Variants in TNFRSF10A observed in about 807,000 individuals in gnomAD.
The protein encoded by TNFRSF10A is tumor necrosis factor receptor superfamily member 10A.
In TNFRSF10A, 44 loss-of-function variants were observed where a neutral mutation model predicts 42.8. The ratio of observed to expected loss-of-function variants is 1.03; its 90% CI spans 0.81 to 1.32. TNFRSF10A has a LOEUF of 1.32. Among genes scored for constraint, TNFRSF10A ranks in the 40% most tolerant of loss-of-function variants. The probability of loss-of-function intolerance (pLI) is 0.00; values close to 1 mark genes in which losing one functional copy is unlikely to be tolerated. For synonymous variants in TNFRSF10A, 259 were observed against 234.2 expected, an observed-to-expected ratio of 1.11 and a Z score of -0.97; for missense variants, 680 against 602.0, an observed-to-expected ratio of 1.13 and a Z score of -1.36.
rs549100157 is a variant in TNFRSF10A, at chr8:23,207,314, G to A, written c.404-4553C>T. ...GATGGAGAGAAGAAGGCATATGTTC[G>A]ACTGGCTCCTGATTACCATGTCTTG... On this transcript the variant is annotated intron_variant, in intron 2 of 9. Coordinates refer to ENST00000221132, the MANE Select transcript of TNFRSF10A (RefSeq NM_003844.4). 7.7e-5 allele frequency: 46 copies of A among 597,342 alleles called. 1 individual carries two copies. In the East Asian group the frequency reaches 8.5e-4, roughly 11 times the overall value. 37.0% of individuals were successfully genotyped at this position (597,342 alleles called of 1,614,324 possible).
chr8:23,206,179 A>T (rs1187591862), intron 2 of TNFRSF10A, among the ~76,000 whole-genome samples: 1 of 152,218 alleles, frequency 6.6e-6, no homozygotes, highest in Non-Finnish European at 1.5e-5. Flanking sequence ...AAACGAGTGA[A>T]AAAGTTTTAA....
Position 23,191,828 on chromosome 8 carries a change from T to A in TNFRSF10A, c.1273A>T (p.Ile425Phe), listed in dbSNP as rs1327739148. 4 of 1,613,904 alleles carry A rather than the reference T, an allele frequency of 2.5e-6. No individual in the cohort carries two copies. The African/African-American group carries it at 5.3e-5, about 22-fold the overall frequency. The change falls in exon 10 of 10, where the codon ATC becomes TTC. Residue 425 changes from isoleucine (I) to phenylalanine (F), a missense_variant. Transcript: ENST00000221132. ...TCCAAGGCATCCAGCAGGGTGTGGA[T>A]CGAGGCGTTCCGTCCAGTTTTGTTG... ...WVNKTGRNASIHTLLDALERM... is the reference protein window; with the variant it reads ...WVNKTGRNASFHTLLDALERM...
chr8:23,213,407 T>G (rs188841444), intron 1 of TNFRSF10A, among the ~76,000 whole-genome samples: 48 of 150,314 alleles, frequency 3.2e-4, no homozygotes, highest in Admixed American at 1.3e-3. Context: ...CTGATCTATT[T>G]TTTGCTGGTT....
At chr8:23,193,734 T>C (rs781598659) in intron 9 of TNFRSF10A, among the ~76,000 whole-genome samples, 1 of 152,364 alleles carries the variant, frequency 6.6e-6, no homozygotes, top group Middle Eastern at 3.4e-3. Context: ...GTCTGGACAC[T>C]CTTGGAGCTT....
rs567468522 is a variant in TNFRSF10A, at chr8:23,206,011, C to T, written c.404-3250G>A. On this transcript the variant is annotated intron_variant, in intron 2 of 9. Transcript: ENST00000221132. ...GATTACAGGTGTGAGCCACTGCGCC[C>T]GGCCAATGTCTGTGTTTCTATCTTA... 2.5e-3 allele frequency among the ~76,000 whole-genome samples: 375 copies of T among 151,664 alleles called. 2 individuals are homozygous for T. Among genetic ancestry groups the T allele is most frequent in the African/African-American group, 8.4e-3 (349 of 41,354 alleles).
In TNFRSF10A at chr8:23,214,980, T is replaced by C. The variant is rs182625190; in HGVS notation, c.307-2768A>G. ...ACATTATAAAGACAAGTGAAAACCA[T>C]TGGGGTCTGAGGATTAGCTGGTAGT... On this transcript the variant is annotated intron_variant, in intron 1 of 9. Transcript: ENST00000221132. 6.0e-4 allele frequency among the ~76,000 whole-genome samples: 92 copies of C among 152,212 alleles called. 1 individual carries two copies. The highest frequency in any genetic ancestry group is 3.5e-3 in the South Asian group (17 of 4,822).
At position 23,224,908 on chromosome 8, in the gene TNFRSF10A, G is replaced by C. The variant is rs370216458; in HGVS notation, c.154C>G (p.Arg52Gly). The C allele has an allele frequency of 2.5e-6, 4 of 1,595,790 alleles. No individual in the cohort carries two copies. The highest frequency in any genetic ancestry group is 2.3e-5 in the South Asian group (2 of 88,474). Reference protein sequence around the residue: ...AGRIEPRGGGRGALPTSMGQH... With the variant: ...AGRIEPRGGGGGALPTSMGQH... Reference sequence around the variant, plus strand: ...CCCATGGAGGTAGGGAGCGCTCCTCGGCCCCCGCCTCGTGGTTCAATCCTC... The same window carrying C: ...CCCATGGAGGTAGGGAGCGCTCCTCCGCCCCCGCCTCGTGGTTCAATCCTC... Residue 52 changes from arginine to glycine, a missense_variant, in exon 1 of 10, where the codon CGA becomes GGA. Arg to Gly is a moderately radical substitution (Grantham distance 125). Coordinates refer to ENST00000221132, the MANE Select transcript of TNFRSF10A (RefSeq NM_003844.4).
At chr8:23,223,643 C>T (rs1041239941) in intron 1 of TNFRSF10A, among the ~76,000 whole-genome samples, 2 of 152,074 alleles carry the variant, frequency 1.3e-5, no homozygotes, top group East Asian at 2.0e-4. Flanking sequence ...AACAAAAACA[C>T]GTAAAATTTC....
intron 2 of TNFRSF10A, among the ~76,000 whole-genome samples, chr8:23,204,886 G>C (rs1456064228): frequency 6.6e-6 from 1 of 152,002 alleles, no homozygotes; most frequent in Non-Finnish European, 1.5e-5. Flanking sequence ...AAACCTATGG[G>C]ATACAGCTAA....
rs557225878 is a variant in TNFRSF10A, at chr8:23,199,785, C to A, written c.831+101G>T. The A allele has an allele frequency of 1.3e-3, 1,962 of 1,517,388 alleles. 40 individuals carry two copies. The South Asian group carries it at 0.021, about 16-fold the overall frequency. 94.0% of individuals were successfully genotyped at this position (1,517,388 alleles called of 1,614,324 possible). A position where few individuals can be genotyped will look rare whatever the true frequency, so the allele number is the denominator to read the frequency against. On this transcript the variant is annotated intron_variant, in intron 7 of 9. Coordinates refer to ENST00000221132, the MANE Select transcript of TNFRSF10A (RefSeq NM_003844.4). ...TCCAGGCCACTTCAGAGACTCAGGG[C>A]AGCCATGAGAGCACGGGGACCCACC...
chr8:23,194,366 C>G (rs1016720642), intron 9 of TNFRSF10A, among the ~76,000 whole-genome samples: 1 of 152,086 alleles, frequency 6.6e-6, no homozygotes, highest in Non-Finnish European at 1.5e-5. Context: ...AACAAGTCAG[C>G]TTTAAAATTA....
intron 1 of TNFRSF10A, among the ~76,000 whole-genome samples, chr8:23,223,952 TCGAAA>T (rs1354306956): frequency 1.3e-5 from 2 of 152,312 alleles, no homozygotes; most frequent in African/African-American, 4.8e-5. Flanking sequence ...CTCAGTGGAC[TCGAAA>T]CGGAAGACAA....
At chr8:23,201,967 C>A in intron 3 of TNFRSF10A, 48 bp from the exon 4 acceptor site, 1 of 1,563,580 alleles carries the variant, frequency 6.4e-7, no homozygotes, top group East Asian at 2.2e-5. Context: ...CTGACGTGTC[C>A]CTTGACCTTT....
chr8:23,207,676 T>C (rs1354100779), intron 2 of TNFRSF10A, among the ~76,000 whole-genome samples: 1 of 152,154 alleles, frequency 6.6e-6, no homozygotes, highest in Admixed American at 6.5e-5. Context: ...CCCTTGCAGT[T>C]CTCATGATAA....
chr8:23,201,537 A>C (rs1220871338), intron 4 of TNFRSF10A, among the ~76,000 whole-genome samples: 2 of 152,094 alleles, frequency 1.3e-5, no homozygotes, highest in Non-Finnish European at 2.9e-5. Flanking sequence ...TCCTGTGCCT[A>C]GTGAACAAGT....
chr8:23,213,601 C>T (rs571446159), intron 1 of TNFRSF10A, among the ~76,000 whole-genome samples: 3 of 151,966 alleles, frequency 2.0e-5, no homozygotes, highest in African/African-American at 7.2e-5. Context: ...GCGCCCGCCA[C>T]CATGCCCAGC....
intron 1 of TNFRSF10A, among the ~76,000 whole-genome samples, chr8:23,223,051 G>T (rs58243655): frequency 0.048 from 7,315 of 152,048 alleles, 552 homozygotes; most frequent in African/African-American, 0.16. Context: ...ATTATCCAGC[G>T]TCAAGTTTTC....
chr8:23,207,087 A>G lies in TNFRSF10A; in HGVS notation c.404-4326T>C. 3.8e-6 allele frequency: 2 copies of G among 531,194 alleles called. 1 individual carries two copies. The highest frequency in any genetic ancestry group is 3.2e-5 in the South Asian group (2 of 62,640). The allele number at this position is 531,194 out of a possible 1,614,324, so 32.9% of individuals were successfully genotyped here. A position where few individuals can be genotyped will look rare whatever the true frequency, so the allele number is the denominator to read the frequency against. ...CCAAGATACTGAGACTCTGGAGAGC[A>G]CCCCCAGGAGAAACAAGCTTGACCA... On this transcript the variant is annotated intron_variant, in intron 2 of 9. Coordinates refer to ENST00000221132, the MANE Select transcript of TNFRSF10A (RefSeq NM_003844.4).
chr8:23,211,838 C>A (rs898738863), intron 2 of TNFRSF10A, among the ~76,000 whole-genome samples: 2 of 152,142 alleles, frequency 1.3e-5, no homozygotes. Flanking sequence ...CAGTTGGACG[C>A]TTATCTGATG....
Sources: gnomAD v4.1 joint callset for allele counts (sites outside exome capture counted in the v4.1 genomes callset) on GRCh38, gnomAD v4.1.1 for gene constraint, MANE v1.5 for transcripts, NCBI Gene and HGNC (gene_info 2026-07-23, HGNC 2026-07-21) for gene names.